Variants in SGK1 observed in about 807,000 individuals in gnomAD.
The protein encoded by SGK1 is serine/threonine-protein kinase Sgk1.
A neutral mutation model predicts 64.2 loss-of-function variants in SGK1; 26 were observed. That is an observed-to-expected ratio of 0.40 (90% CI 0.30 to 0.56). The LOEUF is 0.56. Ranked by LOEUF, SGK1 falls within the 20% of genes least tolerant of loss-of-function variation. SGK1 has a pLI of 0.38. For missense variants in SGK1, 519 were observed against 645.6 expected (o/e 0.80, Z 2.12); for synonymous variants, 265 against 239.7 (o/e 1.11, Z -0.98).
In SGK1 at chr6:134,207,205, A is replaced by G. The variant is rs559807457; in HGVS notation, c.361+151T>C. On this transcript the variant is annotated intron_variant, in intron 3 of 13. Transcript: ENST00000367858. ...TGCGCCACTGCCCTCCAACCTGGGC[A>G]ACAGAGCAAGACTCTGTCTCAAGAA... 733 of 577,970 alleles carry G rather than the reference A, an allele frequency of 1.3e-3. 1 individual carries two copies. Among genetic ancestry groups the G allele is most frequent in the African/African-American group, 3.1e-3 (162 of 52,482 alleles). 35.8% of individuals were successfully genotyped at this position (577,970 alleles called of 1,614,324 possible). A position where few individuals can be genotyped will look rare whatever the true frequency, so the allele number is the denominator to read the frequency against.
At chr6:134,278,687 C>G (rs1019256863) in intron 1 of SGK1, among the ~76,000 whole-genome samples, 3 of 151,676 alleles carry the variant, frequency 2.0e-5, no homozygotes, top group Non-Finnish European at 4.4e-5. Flanking sequence ...GGAGGACAGT[C>G]AAAGCTAACA....
At chr6:134,252,573 C>A (rs867746737) in intron 2 of SGK1, among the ~76,000 whole-genome samples, 1 of 135,940 alleles carries the variant, frequency 7.4e-6, no homozygotes, top group Non-Finnish European at 1.5e-5. Context: ...AAATTGATTG[C>A]GCCACTGCTC....
rs1318000824 is a variant in SGK1 at position 134,204,971 on chromosome 6, T to TTTTC, written c.361+2381_361+2384dup. On this transcript the variant is annotated intron_variant, in intron 3 of 13. Transcript: ENST00000367858. ...TCCCTCCTTTTCTTTCTTTCTTTCT[T>TTTTC]TTTCTTTCTTTCTTTCTTTCTCTGT... Among the ~76,000 whole-genome samples, 44 of 115,374 alleles carry TTTTC rather than the reference T, an allele frequency of 3.8e-4. No homozygotes were observed. In the South Asian group the frequency reaches 5.5e-3, roughly 15 times the overall value. 75.7% of individuals were successfully genotyped at this position (115,374 alleles called of 152,430 possible).
At chr6:134,198,247 AC>A (rs1045350311) in intron 3 of SGK1, among the ~76,000 whole-genome samples, 44 of 152,220 alleles carry the variant, frequency 2.9e-4, no homozygotes, top group African/African-American at 1.0e-3. Context: ...AGGTTAGTCA[AC>A]CCACAGGATT....
intron 1 of SGK1, among the ~76,000 whole-genome samples, chr6:134,310,749 A>G (rs1212374480): frequency 6.6e-6 from 1 of 152,080 alleles, no homozygotes; most frequent in Non-Finnish European, 1.5e-5. Flanking sequence ...CACCACTCCC[A>G]GCTAATTTTT....
intron 3 of SGK1, among the ~76,000 whole-genome samples, chr6:134,189,048 C>A (rs12207551): frequency 0.39 from 58,324 of 151,066 alleles, 12,749 homozygotes; most frequent in Non-Finnish European, 0.51. Context: ...GCAACCCAGA[C>A]AATTTTTTTT....
intron 1 of SGK1, among the ~76,000 whole-genome samples, chr6:134,299,546 G>A (rs1394801949): frequency 1.3e-5 from 2 of 152,240 alleles, no homozygotes; most frequent in South Asian, 2.1e-4. Flanking sequence ...AGTGAAGGGA[G>A]TGAGGTAAGG....
At chr6:134,232,501 AAAG>A (rs1776306289) in intron 2 of SGK1, among the ~76,000 whole-genome samples, 1 of 150,944 alleles carries the variant, frequency 6.6e-6, no homozygotes, top group Non-Finnish European at 1.5e-5. Flanking sequence ...AAAAGAAAAG[AAAG>A]AAGAGGGAGG....
chr6:134,178,977 CTTCTATTT>C (rs1308921359), intron 3 of SGK1, among the ~76,000 whole-genome samples: 2 of 138,276 alleles, frequency 1.4e-5, no homozygotes, highest in African/African-American at 7.0e-5. Flanking sequence ...TTTTTTCACT[CTTCTATTT>C]TATTTTTTTA....
At chr6:134,229,422 TAAAC>T (rs1415166887) in intron 2 of SGK1, among the ~76,000 whole-genome samples, 2 of 152,246 alleles carry the variant, frequency 1.3e-5, no homozygotes, top group African/African-American at 2.4e-5. Flanking sequence ...GTTTATTACT[TAAAC>T]AGCTGCTAAA....
rs753571445 is a variant in SGK1 at position 134,170,780 on chromosome 6, ATGCCCTT to A, written c.1413+39_1413+45del. 18 of 1,220,612 alleles carry A rather than the reference ATGCCCTT, an allele frequency of 1.5e-5. No individual in the cohort carries two copies. The South Asian group carries it at 2.3e-4, about 16-fold the overall frequency. The allele number at this position is 1,220,612 out of a possible 1,614,324, so 75.6% of individuals were successfully genotyped here. A position where few individuals can be genotyped will look rare whatever the true frequency, so the allele number is the denominator to read the frequency against. ...CCCAGACAATTCTGAATTAAAATAAATGCCCTTTGGGCTTCTCTATACTTAGAAGAGA... is the reference window on the plus strand; with the variant it reads ...CCCAGACAATTCTGAATTAAAATAAATGGGCTTCTCTATACTTAGAAGAGA... On this transcript the variant is annotated intron_variant, in intron 13 of 13. Coordinates refer to ENST00000367858, the MANE Select transcript of SGK1 (RefSeq NM_001143676.3).
chr6:134,193,694 G>A (rs891150292), intron 3 of SGK1, among the ~76,000 whole-genome samples: 2 of 147,708 alleles, frequency 1.4e-5, no homozygotes, highest in Non-Finnish European at 3.0e-5. Flanking sequence ...TCACCTGGCT[G>A]GAGCGATTAA....
chr6:134,269,928 T>C (rs371425681), intron 1 of SGK1, among the ~76,000 whole-genome samples: 2 of 141,562 alleles, frequency 1.4e-5, no homozygotes, highest in African/African-American at 2.6e-5. Context: ...CTCTCTCTCT[T>C]TTTTTTTTTT....
At chr6:134,239,686 AT>A (rs1456470099) in intron 2 of SGK1, among the ~76,000 whole-genome samples, 1 of 152,208 alleles carries the variant, frequency 6.6e-6, no homozygotes, top group African/African-American at 2.4e-5. Flanking sequence ...GCTTGATGGC[AT>A]TGGATCATTG....
In SGK1 at chr6:134,169,309, G is replaced by T. The variant is rs141074164; in HGVS notation, c.*959C>A. On this transcript the variant is annotated 3_prime_UTR_variant, in exon 14 of 14. Transcript: ENST00000367858. ...AATCAGTTTATCACACACAAAAAAAGTTGTGTGATGGGATGAGGGAAGGAT... is the reference window on the plus strand; with the variant it reads ...AATCAGTTTATCACACACAAAAAAATTTGTGTGATGGGATGAGGGAAGGAT... 4.6e-5 allele frequency: 7 copies of T among 152,692 alleles called. No homozygotes were observed. In the East Asian group the frequency reaches 1.2e-3, roughly 25 times the overall value. The allele number at this position is 152,692 out of a possible 1,614,324, so 9.5% of individuals were successfully genotyped here.
chr6:134,196,735 T>A (rs2114671755), intron 3 of SGK1, among the ~76,000 whole-genome samples: 1 of 152,328 alleles, frequency 6.6e-6, no homozygotes, highest in African/African-American at 2.4e-5. Context: ...GAAATTGATT[T>A]TTAAAACTTC....
chr6:134,303,357 A>C (rs1339997020), intron 1 of SGK1, among the ~76,000 whole-genome samples: 4 of 151,968 alleles, frequency 2.6e-5, no homozygotes. Context: ...GCGCCACTGC[A>C]CTCCAGCCTG....
At chr6:134,306,848 AC>A (rs762740013) in intron 1 of SGK1, among the ~76,000 whole-genome samples, 2 of 136,558 alleles carry the variant, frequency 1.5e-5, no homozygotes, top group African/African-American at 2.7e-5. Flanking sequence ...CCACCTTAAA[AC>A]CTGACACATC....
chr6:134,198,462 T>A (rs1775629339), intron 3 of SGK1, among the ~76,000 whole-genome samples: 1 of 152,144 alleles, frequency 6.6e-6, no homozygotes. Context: ...TAAATATGAG[T>A]ATTTTGCTTT....
Sources: gnomAD v4.1 joint callset for allele counts (sites outside exome capture counted in the v4.1 genomes callset) on GRCh38, gnomAD v4.1.1 for gene constraint, MANE v1.5 for transcripts, NCBI Gene and HGNC (gene_info 2026-07-23, HGNC 2026-07-21) for gene names.